The following SAXO1 variants were observed in gnomAD, a reference collection of about 807,000 sequenced individuals.
The protein encoded by SAXO1 is 4930500O09Rik.
Under a neutral mutation model 17.5 loss-of-function variants are expected in SAXO1, and 21 were observed. That is an observed-to-expected ratio of 1.20 (90% CI 0.85 to 1.72). The LOEUF is 1.72. SAXO1 is among the 40% of genes most tolerant of loss of function. The pLI, the probability that SAXO1 is intolerant of heterozygous loss-of-function variation, is 0.00. For missense variants in SAXO1, 843 were observed against 596.0 expected, an observed-to-expected ratio of 1.41 and a Z score of -4.32; for synonymous variants, 274 against 216.5, an observed-to-expected ratio of 1.27 and a Z score of -2.33.
At chr9:19,002,585 C>T (rs552898002) in intron 1 of SAXO1, among the ~76,000 whole-genome samples, 1 of 152,292 alleles carries the variant, frequency 6.6e-6, no homozygotes, top group East Asian at 1.9e-4. Context: ...AAGGCTGGTT[C>T]AACATAGGCA....
At position 18,944,819 on chromosome 9, in the gene SAXO1, T is replaced by A. The variant is rs566584691; in HGVS notation, c.219-2980A>T. ...GAGCCTGGCAGTGGGAAATGAAGAT[T>A]TTCACCATGACAAAGGGCCATGCAA... is the stretch of plus-strand genomic sequence containing the variant. On this transcript the variant is annotated intron_variant, in intron 2 of 3. Transcript: ENST00000380534. Among the ~76,000 whole-genome samples, 3 of 152,324 alleles carry A rather than the reference T, an allele frequency of 2.0e-5. No homozygotes were observed. In the South Asian group the frequency reaches 6.2e-4, roughly 32 times the overall value.
At chr9:18,947,133 TG>T (rs1274172662) in intron 2 of SAXO1, among the ~76,000 whole-genome samples, 1 of 152,222 alleles carries the variant, frequency 6.6e-6, no homozygotes, top group Non-Finnish European at 1.5e-5. Flanking sequence ...CTACCTACAT[TG>T]TGTTCACACT....
At chr9:18,935,685 C>T (rs556900551) in intron 3 of SAXO1, among the ~76,000 whole-genome samples, 2 of 152,322 alleles carry the variant, frequency 1.3e-5, no homozygotes, top group South Asian at 4.1e-4. Flanking sequence ...CTCTGAAGCT[C>T]CCTTCTTACA....
chr9:18,950,237 A>G (rs568681511), intron 2 of SAXO1, among the ~76,000 whole-genome samples: 1 of 152,312 alleles, frequency 6.6e-6, no homozygotes, highest in East Asian at 1.9e-4. Context: ...GCAAAACATT[A>G]TTTGTTCATC....
chr9:18,970,826 C>A (rs116946882), intron 1 of SAXO1, among the ~76,000 whole-genome samples: 1 of 152,336 alleles, frequency 6.6e-6, no homozygotes, highest in East Asian at 1.9e-4. Flanking sequence ...TTCTGAATTA[C>A]TGTTGCTAAG....
At chr9:19,002,391 C>G (rs1834313551) in intron 1 of SAXO1, among the ~76,000 whole-genome samples, 1 of 152,200 alleles carries the variant, frequency 6.6e-6, no homozygotes, top group African/African-American at 2.4e-5. Context: ...CTCACTCTTT[C>G]TATGAGGCCA....
rs753351598 is a variant in SAXO1, at chr9:18,928,383, G to A, written c.1094C>T (p.Thr365Ile). 12 of 1,612,064 alleles carry A rather than the reference G, an allele frequency of 7.4e-6. No individual in the cohort carries two copies. Among genetic ancestry groups the A allele is most frequent in the Middle Eastern group, 1.6e-4 (1 of 6,072 alleles). ...GGTGGTCAGGCAGTCCAGGGGCTCG[G>A]TGGGCAAGTCCAGCTGGGGAACGGG... ...VKPVPQLDLP[T>I]EPLDCLTTTR... Residue 365 changes from threonine to isoleucine, a missense_variant, in exon 4 of 4, where the codon ACC becomes ATC. Physicochemically the swap from Thr to Ile is moderately conservative, Grantham distance 89. Transcript: ENST00000380534.
At chr9:18,955,042 T>TA (rs1030982942) in intron 1 of SAXO1, among the ~76,000 whole-genome samples, 4 of 151,368 alleles carry the variant, frequency 2.6e-5, no homozygotes, top group East Asian at 1.9e-4. Context: ...ATTAGAAGGG[T>TA]AAAAAAAAGC....
chr9:18,944,900 G>C (rs902726086), intron 2 of SAXO1, among the ~76,000 whole-genome samples: 2 of 152,110 alleles, frequency 1.3e-5, no homozygotes, highest in African/African-American at 4.8e-5. Context: ...AGATATATTA[G>C]TGTGTCCAAG....
chr9:18,966,331 T>C (rs1325042680), intron 1 of SAXO1, among the ~76,000 whole-genome samples: 1 of 152,206 alleles, frequency 6.6e-6, no homozygotes, highest in African/African-American at 2.4e-5. Flanking sequence ...TCCTGAAAAG[T>C]GTTTTCCAAC....
At position 18,950,626 on chromosome 9, in the gene SAXO1, A is replaced by G. The variant is rs996206169; in HGVS notation, c.218+132T>C. On this transcript the variant is annotated intron_variant, in intron 2 of 3. Coordinates refer to ENST00000380534, the MANE Select transcript of SAXO1 (RefSeq NM_153707.4). Reference sequence around the variant, plus strand: ...CTTCAGAGATATAGTACATTAAGGCATTAATATCATATGTTGATACTGCAC... The same window carrying G: ...CTTCAGAGATATAGTACATTAAGGCGTTAATATCATATGTTGATACTGCAC... The G allele has an allele frequency of 5.3e-6, 4 of 759,444 alleles. No individual in the cohort carries two copies. The African/African-American group carries it at 7.0e-5, about 13-fold the overall frequency. The allele number at this position is 759,444 out of a possible 1,614,324, so 47.0% of individuals were successfully genotyped here.
chr9:19,000,382 G>A (rs551404149), intron 1 of SAXO1, among the ~76,000 whole-genome samples: 2 of 151,348 alleles, frequency 1.3e-5, no homozygotes, highest in South Asian at 2.1e-4. Flanking sequence ...CCAACTGACT[G>A]GGAAGTGAGG....
At chr9:18,993,052 GGCCTTCCAA>G (rs1233489289) in intron 1 of SAXO1, among the ~76,000 whole-genome samples, 29 of 152,178 alleles carry the variant, frequency 1.9e-4, no homozygotes, top group African/African-American at 7.0e-4. Flanking sequence ...TGCCCACCTA[GGCCTTCCAA>G]AGTGCTGAGA....
chr9:18,929,506 C>G (rs373865556), intron 3 of SAXO1, among the ~76,000 whole-genome samples: 1 of 152,196 alleles, frequency 6.6e-6, no homozygotes, highest in Admixed American at 6.5e-5. Context: ...CCAGATGAAC[C>G]AGGCCTACCT....
intron 1 of SAXO1, among the ~76,000 whole-genome samples, chr9:18,966,133 C>G (rs60876312): frequency 0.011 from 1,604 of 152,294 alleles, 25 homozygotes; most frequent in African/African-American, 0.033. Context: ...ATGGGCTTCC[C>G]TTTGTGGGCA....
intron 1 of SAXO1, among the ~76,000 whole-genome samples, chr9:18,967,286 C>G (rs1199950410): frequency 5.9e-5 from 9 of 152,246 alleles, no homozygotes; most frequent in Admixed American, 1.3e-4. Flanking sequence ...CCTGGGAGAT[C>G]TGCTGCTCTC....
chr9:19,009,732 A>T (rs995107266), intron 1 of SAXO1, among the ~76,000 whole-genome samples: 89 of 152,330 alleles, frequency 5.8e-4, no homozygotes, highest in African/African-American at 2.0e-3. Flanking sequence ...TTTCATTACC[A>T]AAGCCAGTCA....
At chr9:19,015,014 G>C (rs1273212058) in intron 1 of SAXO1, among the ~76,000 whole-genome samples, 2 of 152,074 alleles carry the variant, frequency 1.3e-5, no homozygotes. Flanking sequence ...GCAAATCAGA[G>C]CTAAAAAACG....
chr9:19,047,157 G>A (rs1412503553), intron 1 of SAXO1, among the ~76,000 whole-genome samples: 7 of 152,024 alleles, frequency 4.6e-5, no homozygotes, highest in South Asian at 4.1e-4. Flanking sequence ...ACTGCACTCC[G>A]GCCTAGGCTG....
Sources: gnomAD v4.1 joint callset for allele counts (sites outside exome capture counted in the v4.1 genomes callset) on GRCh38, gnomAD v4.1.1 for gene constraint, MANE v1.5 for transcripts, NCBI Gene and HGNC (gene_info 2026-07-23, HGNC 2026-07-21) for gene names.